RALGDS: variants seen among roughly 807,000 people sequenced by gnomAD.
RALGDS encodes ral guanine nucleotide exchange factor.
A neutral mutation model predicts 99.8 loss-of-function variants in RALGDS; 44 were observed. The observed-to-expected ratio is 0.44, with a 90% CI of 0.35 to 0.57. The LOEUF (loss-of-function observed/expected upper bound fraction) is 0.57, where lower values mean the gene tolerates loss of function less well. RALGDS is among the 20% of genes least tolerant of loss of function. The pLI is 0.01. For synonymous variants in RALGDS, 529 were observed against 505.0 expected, an observed-to-expected ratio of 1.05 and a Z score of -0.64; for missense variants, 1,022 against 1,203.1, an observed-to-expected ratio of 0.85 and a Z score of 2.23.
chr9:133,099,307 T>C (rs1830636884), intron 17 of RALGDS: 1 of 157,636 alleles, frequency 6.3e-6, no homozygotes, highest in African/African-American at 2.4e-5. Context: ...CCTGCCGACA[T>C]CGTGTGGCTT....
At chr9:133,128,441 A>G (rs975841371) in intron 1 of RALGDS, among the ~76,000 whole-genome samples, 2 of 151,512 alleles carry the variant, frequency 1.3e-5, no homozygotes, top group Admixed American at 6.6e-5. Flanking sequence ...AGCAACGTCT[A>G]TCCCACAGCT....
chr9:133,102,651 C>T lies in RALGDS; in HGVS notation c.1914-80G>A, dbSNP rs1037106583. The T allele has an allele frequency of 4.7e-5, 76 of 1,604,020 alleles. No homozygotes were observed. In the East Asian group the frequency reaches 4.9e-4, roughly 10 times the overall value. On this transcript the variant is annotated intron_variant, in intron 13 of 17. Coordinates refer to ENST00000372050, the MANE Select transcript of RALGDS (RefSeq NM_006266.4). Reference sequence around the variant, plus strand: ...CCAGCACCTGCCCAGAAGCTGGAGTCGGGGTGCCCCGGCCATCCTCAGGCA... The same window carrying T: ...CCAGCACCTGCCCAGAAGCTGGAGTTGGGGTGCCCCGGCCATCCTCAGGCA...
rs747574868 is a variant in RALGDS at position 133,109,682 on chromosome 9, G to A, written c.528C>T (p.Tyr176=). 17 of 1,613,870 alleles carry A rather than the reference G, an allele frequency of 1.1e-5. No homozygotes were observed. The highest frequency in any genetic ancestry group is 4.5e-5 in the East Asian group (2 of 44,894). The stretch of plus-strand genomic sequence containing the variant: ...CGTCGGAATAGGGGAGGATGCAGCC[G>A]TATCTAGAGGAGGCCGTGAGGGCGT... ...RCDALTASSR[Y]GCILPYSDED... The change falls in exon 4 of 18, where the codon TAC becomes TAT. Residue 176 remains tyrosine (Y), a synonymous_variant. Coordinates refer to ENST00000372050, the MANE Select transcript of RALGDS (RefSeq NM_006266.4).
At chr9:133,146,485 C>T (rs59182192) in intron 1 of RALGDS, among the ~76,000 whole-genome samples, 79 of 152,320 alleles carry the variant, frequency 5.2e-4, no homozygotes, top group African/African-American at 1.8e-3. Context: ...AGCCACCGCG[C>T]CCAGCCTCCG....
chr9:133,137,561 T>C (rs1469641037), intron 1 of RALGDS, among the ~76,000 whole-genome samples: 1 of 152,170 alleles, frequency 6.6e-6, no homozygotes, highest in Non-Finnish European at 1.5e-5. Context: ...CTCCCTCCCA[T>C]TAAAGTGCTT....
At chr9:133,148,822 G>C in intron 1 of RALGDS, 1 of 1,004,536 alleles carries the variant, frequency 1.0e-6, no homozygotes, top group Non-Finnish European at 1.4e-6. Flanking sequence ...CTACTGTCCC[G>C]GGCGGGGTTG....
At chr9:133,115,287 C>T (rs188097740) in intron 1 of RALGDS, among the ~76,000 whole-genome samples, 1 of 152,330 alleles carries the variant, frequency 6.6e-6, no homozygotes, top group Admixed American at 6.5e-5. Context: ...ACTCACCGGC[C>T]CCTCCCAAGG....
chr9:133,120,918 C>A (rs953326553), intron 1 of RALGDS, 54 bp downstream of exon 1: 112 of 1,441,960 alleles, frequency 7.8e-5, no homozygotes, highest in Non-Finnish European at 9.9e-5. Flanking sequence ...CCAGCTCTGC[C>A]GCGGGTGGGG....
intron 1 of RALGDS, among the ~76,000 whole-genome samples, chr9:133,117,780 C>T (rs868597761): frequency 6.6e-6 from 1 of 152,244 alleles, no homozygotes; most frequent in Non-Finnish European, 1.5e-5. Flanking sequence ...GCCATCTGGG[C>T]GGCCAACCAG....
chr9:133,143,786 C>CAACAACAACAATAAT (rs1398814466), intron 1 of RALGDS, among the ~76,000 whole-genome samples: 2 of 125,546 alleles, frequency 1.6e-5, no homozygotes, highest in African/African-American at 6.8e-5. Context: ...ACAACAACAA[C>CAACAACAACAATAAT]AATAATAATA....
chr9:133,107,006 T>C, intron 7 of RALGDS, 79 bp downstream of exon 7: 2 of 1,511,266 alleles, frequency 1.3e-6, no homozygotes, highest in African/African-American at 1.4e-5. Flanking sequence ...CTGGGGCCTG[T>C]ACAGGGCCTT....
intron 1 of RALGDS, among the ~76,000 whole-genome samples, chr9:133,118,330 G>A (rs1282537485): frequency 6.6e-6 from 1 of 152,264 alleles, no homozygotes; most frequent in Non-Finnish European, 1.5e-5. Flanking sequence ...AGATCAAACA[G>A]TGGGAAGACG....
rs1436407526 is a variant in RALGDS, at chr9:133,144,249, A to G, written c.18+4714T>C. On this transcript the variant is annotated intron_variant, in intron 1 of 17. Transcript: ENST00000393160. This position sits in a 1 kb window ranked among gnomAD's most constrained non-coding sequence, Gnocchi z 4.5. ...AGGCCGGCTCAGCTTGCAGGCGAGG[A>G]ACCAAACGAAAGGCAAACTCCTGGC... Among the ~76,000 whole-genome samples, 1 of 152,014 alleles carries G rather than the reference A, an allele frequency of 6.6e-6. No homozygotes were observed. The highest frequency in any genetic ancestry group is 1.9e-4 in the East Asian group (1 of 5,160).
chr9:133,142,731 G>A (rs1445897266), intron 1 of RALGDS, among the ~76,000 whole-genome samples: 1 of 152,216 alleles, frequency 6.6e-6, no homozygotes, highest in Non-Finnish European at 1.5e-5. Context: ...CTTCATTAGA[G>A]CAGGGAGACG....
chr9:133,123,749 CACAG>C (rs1348110132), upstream of RALGDS, among the ~76,000 whole-genome samples: 3 of 72,386 alleles, frequency 4.1e-5, no homozygotes, highest in Non-Finnish European at 7.7e-5. Context: ...GAGACAGAGA[CACAG>C]ACACACACAC....
At chr9:133,123,149 G>A (rs1488673987), upstream of RALGDS, among the ~76,000 whole-genome samples, 1 of 152,116 alleles carries the variant, frequency 6.6e-6, no homozygotes, top group Non-Finnish European at 1.5e-5. Flanking sequence ...TCCCCACAGG[G>A]CCACAAAGAG....
intron 1 of RALGDS, among the ~76,000 whole-genome samples, chr9:133,147,694 C>T (rs1055342929): frequency 2.0e-5 from 3 of 152,226 alleles, no homozygotes; most frequent in Admixed American, 6.5e-5. Context: ...CCCCTGGTGG[C>T]CGGCACTAGC....
intron 9 of RALGDS, chr9:133,104,705 G>GT (rs1221636275): frequency 8.8e-6 from 2 of 228,204 alleles, no homozygotes; most frequent in Admixed American, 1.0e-4. Flanking sequence ...CCAGCTACTT[G>GT]GGAAGCTGAG....
Position 133,109,692 on chromosome 9 carries a change from G to A in RALGDS, c.518C>T (p.Ser173Phe), listed in dbSNP as rs769932363. Residue 173 changes from serine (S) to phenylalanine (F), a missense_variant, in exon 4 of 18, where the codon TCC becomes TTC. Ser to Phe is a radical substitution (Grantham distance 155, BLOSUM62 -2). Coordinates refer to ENST00000372050, the MANE Select transcript of RALGDS (RefSeq NM_006266.4). ...RYGRCDALTA[S>F]SRYGCILPYS... ...GGGGAGGATGCAGCCGTATCTAGAG[G>A]AGGCCGTGAGGGCGTCACATCTACC... 2.3e-5 allele frequency: 37 copies of A among 1,613,888 alleles called. No individual in the cohort carries two copies. The highest frequency in any genetic ancestry group is 3.1e-5 in the Non-Finnish European group (37 of 1,179,988).
Sources: allele counts gnomAD v4.1 joint callset (sites outside exome capture counted in the v4.1 genomes callset), GRCh38; gene constraint gnomAD v4.1.1; non-coding constraint Gnocchi (gnomAD v3.1); transcripts MANE v1.5; gene names NCBI Gene and HGNC (gene_info 2026-07-23, HGNC 2026-07-21).